Variants in AKAP6 observed in about 807,000 individuals in gnomAD.
The protein encoded by AKAP6 is A-kinase anchor protein 6.
In AKAP6, 58 loss-of-function variants were observed where a neutral mutation model predicts 188.5. The ratio of observed to expected loss-of-function variants is 0.31; its 90% CI spans 0.25 to 0.38. The LOEUF (loss-of-function observed/expected upper bound fraction) is 0.38, where lower values mean the gene tolerates loss of function less well. Ranked by LOEUF, AKAP6 falls within the 10% of genes least tolerant of loss-of-function variation. The pLI, the probability that AKAP6 is intolerant of heterozygous loss-of-function variation, is 1.00. For synonymous variants in AKAP6, 989 were observed against 998.6 expected (o/e 0.99, Z 0.18); for missense variants, 2,710 against 2,740.0 (o/e 0.99, Z 0.24).
At chr14:32,359,584 A>G (rs1215179510) in intron 1 of AKAP6, among the ~76,000 whole-genome samples, 1 of 147,104 alleles carries the variant, frequency 6.8e-6, no homozygotes, top group East Asian at 2.0e-4. Flanking sequence ...TTTCATTAAT[A>G]CCCTCTTTTC....
At chr14:32,579,473 A>C in intron 5 of AKAP6, among the ~76,000 whole-genome samples, 1 of 152,134 alleles carries the variant, frequency 6.6e-6, no homozygotes, top group East Asian at 1.9e-4. Flanking sequence ...AGACCTGTTG[A>C]CTGGATGTTA....
chr14:32,717,614 A>T (rs866323083), intron 9 of AKAP6, among the ~76,000 whole-genome samples: 35 of 151,374 alleles, frequency 2.3e-4, no homozygotes, highest in African/African-American at 8.5e-4. Context: ...CTTATCACAC[A>T]CACACACACA....
chr14:32,340,864 G>A (rs1030189710), intron 1 of AKAP6, among the ~76,000 whole-genome samples: 16 of 152,100 alleles, frequency 1.1e-4, no homozygotes, highest in Non-Finnish European at 2.2e-4. Flanking sequence ...GTCTCTCTTG[G>A]GCCTCTTTTA....
rs1329106814 is a variant in AKAP6 at position 32,835,807 on chromosome 14, A to G, written c.*6002A>G. 6.6e-6 allele frequency: 1 copy of G among 152,244 alleles called. No homozygotes were observed. The highest frequency in any genetic ancestry group is 1.5e-5 in the Non-Finnish European group (1 of 68,060). The allele number at this position is 152,244 out of a possible 1,614,324, so 9.4% of individuals were successfully genotyped here. On this transcript the variant is annotated 3_prime_UTR_variant, in exon 14 of 14. Transcript: ENST00000280979. ...TGATAGCACTGCCACACTTCTGGGAAGGGAACGTTCAAGGAAACCGTATAG... is the reference window on the plus strand; with the variant it reads ...TGATAGCACTGCCACACTTCTGGGAGGGGAACGTTCAAGGAAACCGTATAG...
chr14:32,655,458 C>G (rs1460936295), intron 7 of AKAP6, among the ~76,000 whole-genome samples: 1 of 152,040 alleles, frequency 6.6e-6, no homozygotes, highest in African/African-American at 2.4e-5. Flanking sequence ...CAGGCAGGGT[C>G]CTAAATATAT....
chr14:32,407,032 A>G (rs1415918996), intron 1 of AKAP6, among the ~76,000 whole-genome samples: 1 of 152,138 alleles, frequency 6.6e-6, no homozygotes, highest in African/African-American at 2.4e-5. Context: ...TTTATACCAT[A>G]CTTTATTCAT....
intron 1 of AKAP6, chr14:32,385,282 A>ATAAAAGGAGAGGAATTCTTCCC (rs1478669859): frequency 6.6e-6 from 1 of 152,172 alleles, no homozygotes; most frequent in Non-Finnish European, 1.5e-5. Context: ...TCCCATAGCC[A>ATAAAAGGAGAGGAATTCTTCCC]TAAAAGGAGA....
intron 9 of AKAP6, among the ~76,000 whole-genome samples, chr14:32,712,577 A>C (rs2029946687): frequency 6.6e-6 from 1 of 152,070 alleles, no homozygotes. Flanking sequence ...AATATTCTAA[A>C]TCCTTTGCTG....
In AKAP6 at chr14:32,378,031, AAGAG is replaced by A. The variant is rs1240625646; in HGVS notation, c.-35+48626_-35+48629del. On this transcript the variant is annotated intron_variant, in intron 1 of 13. Transcript: ENST00000280979. ...TAAATTATTTGCATTTGGGGAGAGAAAGAGAGTCTTGAGAATCAGATCTGGCTGT... is the reference window on the plus strand; with the variant it reads ...TAAATTATTTGCATTTGGGGAGAGAAAGTCTTGAGAATCAGATCTGGCTGT... Among the ~76,000 whole-genome samples the A allele has an allele frequency of 3.3e-5, 5 of 152,182 alleles. No homozygotes were observed. In the South Asian group the frequency reaches 1.0e-3, roughly 31 times the overall value.
intron 9 of AKAP6, among the ~76,000 whole-genome samples, chr14:32,723,340 T>C (rs576468794): frequency 5.9e-5 from 9 of 152,320 alleles, no homozygotes; most frequent in African/African-American, 2.2e-4. Context: ...TCTGCCTGAC[T>C]TTACATTTGT....
At chr14:32,817,006 A>G (rs2034394434) in intron 12 of AKAP6, among the ~76,000 whole-genome samples, 1 of 152,148 alleles carries the variant, frequency 6.6e-6, no homozygotes, top group Admixed American at 6.6e-5. Flanking sequence ...GATTTTTTAG[A>G]AAAAAATCTT....
chr14:32,593,862 G>T (rs938309262), intron 5 of AKAP6, among the ~76,000 whole-genome samples: 1 of 152,112 alleles, frequency 6.6e-6, no homozygotes, highest in African/African-American at 2.4e-5. Context: ...TTATGTTTTG[G>T]GGGGTCCTCT....
intron 11 of AKAP6, among the ~76,000 whole-genome samples, chr14:32,767,947 A>G (rs1328874047): frequency 6.6e-6 from 1 of 152,086 alleles, no homozygotes; most frequent in African/African-American, 2.4e-5. Context: ...CCTCGTATTT[A>G]TTTCTCTCAC....
intron 7 of AKAP6, among the ~76,000 whole-genome samples, chr14:32,638,817 G>T (rs1175835228): frequency 1.3e-5 from 2 of 151,708 alleles, no homozygotes; most frequent in Non-Finnish European, 2.9e-5. Context: ...AAACAGACTT[G>T]TTAATATTCA....
At chr14:32,570,641 A>T (rs956596731) in intron 4 of AKAP6, among the ~76,000 whole-genome samples, 6 of 152,180 alleles carry the variant, frequency 3.9e-5, no homozygotes, top group African/African-American at 1.2e-4. Context: ...GTCCTCATGT[A>T]ATCCCACGGT....
chr14:32,350,471 C>T (rs1482865379), intron 1 of AKAP6, among the ~76,000 whole-genome samples: 1 of 151,990 alleles, frequency 6.6e-6, no homozygotes, highest in African/African-American at 2.4e-5. Flanking sequence ...TATTATAGAC[C>T]AGAGGAGACT....
chr14:32,488,156 C>A (rs961896287), intron 2 of AKAP6, among the ~76,000 whole-genome samples: 1 of 152,178 alleles, frequency 6.6e-6, no homozygotes, highest in African/African-American at 2.4e-5. Flanking sequence ...GTGCTCTGTC[C>A]CAGGGAGGTG....
chr14:32,642,849 C>T (rs1406273018), intron 7 of AKAP6, among the ~76,000 whole-genome samples: 3 of 152,030 alleles, frequency 2.0e-5, no homozygotes, highest in Admixed American at 1.3e-4. Flanking sequence ...ATGGATATGC[C>T]TTTGTGTGTA....
intron 7 of AKAP6, among the ~76,000 whole-genome samples, chr14:32,652,201 C>A (rs947313599): frequency 6.6e-6 from 1 of 151,988 alleles, no homozygotes; most frequent in Non-Finnish European, 1.5e-5. Context: ...CCATCTTTTC[C>A]GTCATTTTAT....
Sources: allele counts gnomAD v4.1 joint callset (sites outside exome capture counted in the v4.1 genomes callset), GRCh38; gene constraint gnomAD v4.1.1; transcripts MANE v1.5; gene names NCBI Gene and HGNC (gene_info 2026-07-23, HGNC 2026-07-21).